Variants in XPNPEP3 observed in about 807,000 individuals in gnomAD.
XPNPEP3 encodes the protein xaa-Pro aminopeptidase 3.
In XPNPEP3, 41 loss-of-function variants were observed where a neutral mutation model predicts 60.0. The observed-to-expected ratio is 0.68, with a 90% CI of 0.53 to 0.89. The LOEUF is 0.89. XPNPEP3 is among the 40% of genes least tolerant of loss of function. The pLI is 0.00. For synonymous variants in XPNPEP3, 212 were observed against 223.2 expected (o/e 0.95, Z 0.45); for missense variants, 598 against 638.9 (o/e 0.94, Z 0.69).
chr22:40,907,455 C>T (rs550984761), intron 4 of XPNPEP3, 132 bp from the exon 5 acceptor site: 396 of 866,990 alleles, frequency 4.6e-4, no homozygotes, highest in Non-Finnish European at 6.4e-4. Context: ...TTATTACCCC[C>T]AGTAGGTCAC....
intron 2 of XPNPEP3, among the ~76,000 whole-genome samples, chr22:40,881,105 G>A (rs1234546823): frequency 6.6e-6 from 1 of 152,026 alleles, no homozygotes; most frequent in Non-Finnish European, 1.5e-5. Flanking sequence ...GAGTGCAGTG[G>A]CGGGATCTTG....
intron 2 of XPNPEP3, among the ~76,000 whole-genome samples, chr22:40,879,909 C>A (rs948175608): frequency 2.0e-5 from 3 of 150,958 alleles, no homozygotes; most frequent in African/African-American, 7.3e-5. Flanking sequence ...CGCCTGTAAT[C>A]CCAGCTATTT....
chr22:40,932,643 C>T lies in XPNPEP3; in HGVS notation c.*6208C>T, dbSNP rs528615246. ...GAATCTGAGAAAACTTCAATCTTTA[C>T]CAGCATTTCTTAATGCTTTCCATGA... On this transcript the variant is annotated 3_prime_UTR_variant, in exon 10 of 10. Transcript: ENST00000357137. The T allele has an allele frequency of 5.6e-4, 85 of 152,254 alleles. No homozygotes were observed. Among genetic ancestry groups the T allele is most frequent in the African/African-American group, 2.0e-3 (83 of 41,552 alleles). 9.4% of individuals were successfully genotyped at this position (152,254 alleles called of 1,614,324 possible).
At chr22:40,918,009 TAAAAA>T (rs34474574) in intron 7 of XPNPEP3, among the ~76,000 whole-genome samples, 2 of 124,914 alleles carry the variant, frequency 1.6e-5, no homozygotes, top group East Asian at 4.5e-4. Context: ...AGACTCTGTC[TAAAAA>T]AAAAAAAAAA....
intron 7 of XPNPEP3, among the ~76,000 whole-genome samples, chr22:40,918,389 AGGCCAGGTGCAGT>A (rs1355611312): frequency 6.6e-6 from 1 of 152,086 alleles, no homozygotes; most frequent in Non-Finnish European, 1.5e-5. Flanking sequence ...TAAAAAAGTT[AGGCCAGGTGCAGT>A]GGCTCACGCC....
At chr22:40,868,448 T>A (rs1326992187) in intron 1 of XPNPEP3, among the ~76,000 whole-genome samples, 1 of 151,236 alleles carries the variant, frequency 6.6e-6, no homozygotes, top group Non-Finnish European at 1.5e-5. Flanking sequence ...TGTGTGTGTG[T>A]GTGTGTATGT....
intron 2 of XPNPEP3, among the ~76,000 whole-genome samples, chr22:40,879,183 GA>G (rs1196378334): frequency 6.6e-6 from 1 of 152,080 alleles, no homozygotes; most frequent in East Asian, 1.9e-4. Context: ...AATCTTGAAA[GA>G]AAAAAATGTG....
At chr22:40,897,600 C>T (rs907599326) in intron 4 of XPNPEP3, among the ~76,000 whole-genome samples, 12 of 151,898 alleles carry the variant, frequency 7.9e-5, no homozygotes, top group Non-Finnish European at 1.5e-4. Flanking sequence ...CTCCTGGGCT[C>T]ATGTGATCTT....
chr22:40,922,661 G>A, intron 8 of XPNPEP3, 148 bp downstream of exon 8: 2 of 1,040,090 alleles, frequency 1.9e-6, no homozygotes, highest in Non-Finnish European at 1.4e-6. Context: ...TGAGGCAGGA[G>A]GATTGCTTGA....
chr22:40,912,936 T>G (rs2058182060), intron 6 of XPNPEP3, among the ~76,000 whole-genome samples: 1 of 152,272 alleles, frequency 6.6e-6, no homozygotes, highest in East Asian at 1.9e-4. Flanking sequence ...TAACAGAAAT[T>G]TATTCCATCT....
chr22:40,921,688 T>A (rs1308531506), intron 7 of XPNPEP3, among the ~76,000 whole-genome samples: 2 of 152,152 alleles, frequency 1.3e-5, no homozygotes, highest in African/African-American at 4.8e-5. Context: ...TTTTTTGAAT[T>A]TCAAATATTT....
At chr22:40,910,962 C>T (rs571765835) in intron 6 of XPNPEP3, among the ~76,000 whole-genome samples, 4 of 152,284 alleles carry the variant, frequency 2.6e-5, no homozygotes, top group South Asian at 4.1e-4. Context: ...GAGCCGAGAT[C>T]GCGCCACTGT....
At chr22:40,873,098 C>CTTTTTTTTTTTTTTTTT (rs138353) in intron 2 of XPNPEP3, among the ~76,000 whole-genome samples, 39 of 88,502 alleles carry the variant, frequency 4.4e-4, no homozygotes, top group East Asian at 1.5e-3. Flanking sequence ...TTTTCTTTTT[C>CTTTTTTTTTTTTTTTTT]TTTTTTTTTT....
intron 4 of XPNPEP3, among the ~76,000 whole-genome samples, chr22:40,902,932 G>A (rs1382030948): frequency 6.6e-6 from 1 of 152,190 alleles, no homozygotes; most frequent in Non-Finnish European, 1.5e-5. Flanking sequence ...AACCAGTGAT[G>A]AATGCCCAGA....
At chr22:40,883,348 T>C (rs1431239080) in intron 3 of XPNPEP3, among the ~76,000 whole-genome samples, 1 of 152,052 alleles carries the variant, frequency 6.6e-6, no homozygotes, top group Admixed American at 6.6e-5. Flanking sequence ...TCATATACAG[T>C]TGAGTTCTTT....
rs187322200 is a variant in XPNPEP3, at chr22:40,871,382, T to C, written c.181+2267T>C. Among the ~76,000 whole-genome samples, 4 of 152,274 alleles carry C rather than the reference T, an allele frequency of 2.6e-5. No individual in the cohort carries two copies. The East Asian group carries it at 7.7e-4, about 29-fold the overall frequency. Reference sequence around the variant, plus strand: ...TCTCAAAAAAAGTCTCTTACGCAGTTGGCTTGTTAGTTTAGGATATAAAAT... The same window carrying C: ...TCTCAAAAAAAGTCTCTTACGCAGTCGGCTTGTTAGTTTAGGATATAAAAT... On this transcript the variant is annotated intron_variant, in intron 2 of 9. Transcript: ENST00000357137.
chr22:40,918,755 T>C (rs964843257), intron 7 of XPNPEP3, among the ~76,000 whole-genome samples: 2 of 148,416 alleles, frequency 1.3e-5, no homozygotes, highest in African/African-American at 4.9e-5. Context: ...AGAAGGGTAT[T>C]CTGGGATAGT....
At chr22:40,864,604 C>G (rs943922472) in intron 1 of XPNPEP3, among the ~76,000 whole-genome samples, 1 of 152,072 alleles carries the variant, frequency 6.6e-6, no homozygotes, top group African/African-American at 2.4e-5. Context: ...CACCACCACG[C>G]CCGGCTAATT....
chr22:40,904,698 T>C (rs566025116), intron 4 of XPNPEP3, among the ~76,000 whole-genome samples: 6 of 152,342 alleles, frequency 3.9e-5, no homozygotes, highest in African/African-American at 1.4e-4. Context: ...GCTAAAAATA[T>C]AGTGCTGAAT....
Sources: gnomAD v4.1 joint callset for allele counts (sites outside exome capture counted in the v4.1 genomes callset) on GRCh38, gnomAD v4.1.1 for gene constraint, MANE v1.5 for transcripts, NCBI Gene and HGNC (gene_info 2026-07-23, HGNC 2026-07-21) for gene names.